GRK5: variants seen among roughly 807,000 people sequenced by gnomAD.
GRK5 encodes G protein-coupled receptor kinase 5.
A neutral mutation model predicts 78.4 loss-of-function variants in GRK5; 40 were observed. The ratio of observed to expected loss-of-function variants is 0.51; its 90% CI spans 0.40 to 0.66. GRK5 has a LOEUF of 0.66. Among genes scored for constraint, GRK5 ranks in the 30% least tolerant of loss-of-function variants. The pLI is 0.00. For synonymous variants in GRK5, 289 were observed against 296.8 expected, an observed-to-expected ratio of 0.97 and a Z score of 0.27; for missense variants, 598 against 759.9, an observed-to-expected ratio of 0.79 and a Z score of 2.50.
At position 119,378,081 on chromosome 10, in the gene GRK5, C is replaced by G. The variant is rs1589773213; in HGVS notation, c.149-2734C>G. 6.5e-6 allele frequency: 1 copy of G among 154,460 alleles called. No individual in the cohort carries two copies. Among genetic ancestry groups the G allele is most frequent in the East Asian group, 1.9e-4 (1 of 5,194 alleles). The allele number at this position is 154,460 out of a possible 1,614,324, so 9.6% of individuals were successfully genotyped here. On this transcript the variant is annotated intron_variant, in intron 2 of 15. Transcript: ENST00000392870. The surrounding 1 kb of genome is among the most constrained non-coding windows in gnomAD (Gnocchi z 4.5). ...TTCCCTACTGTGGCTGATGATCACA[C>G]TCATCTAGCTTGACATTTTATTACT...
chr10:119,297,294 A>C (rs1201987334), intron 1 of GRK5, among the ~76,000 whole-genome samples: 1 of 152,218 alleles, frequency 6.6e-6, no homozygotes, highest in African/African-American at 2.4e-5. Flanking sequence ...TGGCATTTAG[A>C]AAGTTTGGCG....
intron 5 of GRK5, among the ~76,000 whole-genome samples, chr10:119,423,507 A>G (rs750844133): frequency 2.6e-5 from 4 of 152,264 alleles, no homozygotes; most frequent in Non-Finnish European, 4.4e-5. Flanking sequence ...CTGTTGAGAC[A>G]GAGGAATGTG....
chr10:119,275,082 T>C (rs1209198147), intron 1 of GRK5, among the ~76,000 whole-genome samples: 1 of 152,228 alleles, frequency 6.6e-6, no homozygotes, highest in African/African-American at 2.4e-5. Flanking sequence ...ATTGAGAGCA[T>C]GCAGGCCCAG....
At position 119,409,347 on chromosome 10, in the gene GRK5, T is replaced by G. The variant is rs182605679; in HGVS notation, c.339+12575T>G. ...TGAGGCTGATGTGCCTTGCTGGAGC[T>G]CCTCACAGTGGGCCAGGGCAGGCCC... On this transcript the variant is annotated intron_variant, in intron 4 of 15. Transcript: ENST00000392870. Among the ~76,000 whole-genome samples, 3 of 152,298 alleles carry G rather than the reference T, an allele frequency of 2.0e-5. No individual in the cohort carries two copies. The East Asian group carries it at 5.8e-4, about 29-fold the overall frequency.
At chr10:119,319,281 T>C (rs1352777257) in intron 1 of GRK5, among the ~76,000 whole-genome samples, 2 of 151,930 alleles carry the variant, frequency 1.3e-5, no homozygotes, top group Admixed American at 6.6e-5. Context: ...CTCCCTAGAG[T>C]CTGTCCCTTC....
At chr10:119,258,910 C>G (rs576715407) in intron 1 of GRK5, among the ~76,000 whole-genome samples, 1 of 152,184 alleles carries the variant, frequency 6.6e-6, no homozygotes. Context: ...CCAGCCTGCC[C>G]CCTTCTCAGG....
intron 11 of GRK5, among the ~76,000 whole-genome samples, chr10:119,442,911 TG>T (rs1311035104): frequency 1.3e-5 from 2 of 151,996 alleles, no homozygotes; most frequent in African/African-American, 4.8e-5. Flanking sequence ...GATGGATGGT[TG>T]GATGGATGAT....
At chr10:119,437,239 G>T (rs966690864) in intron 9 of GRK5, among the ~76,000 whole-genome samples, 1 of 152,134 alleles carries the variant, frequency 6.6e-6, no homozygotes, top group East Asian at 1.9e-4. Context: ...GACTTGGGTC[G>T]GGTCACTGCC....
Position 119,442,024 on chromosome 10 carries a change from C to G in GRK5, c.993C>G (p.Gly331=). 6.2e-7 allele frequency: 1 copy of G among 1,614,014 alleles called. No homozygotes were observed. The highest frequency in any genetic ancestry group is 8.5e-7 in the Non-Finnish European group (1 of 1,179,932). ...GCCACATTAGGATCTCAGACCTGGG[C>G]TTGGCTGTGAAGATCCCCGAGGGAG... is the stretch of plus-strand genomic sequence containing the variant. ...DYGHIRISDL[G]LAVKIPEGDL... is the part of the protein sequence containing the mutation. The change falls in exon 11 of 16, where the codon GGC becomes GGG. Residue 331 remains glycine (G), a synonymous_variant. Coordinates refer to ENST00000392870, the MANE Select transcript of GRK5 (RefSeq NM_005308.3).
At chr10:119,361,008 G>C (rs931016008) in intron 2 of GRK5, among the ~76,000 whole-genome samples, 4 of 152,222 alleles carry the variant, frequency 2.6e-5, no homozygotes, top group African/African-American at 9.7e-5. Context: ...CCTCTGGGAA[G>C]GTCTCCTGGC....
At chr10:119,341,833 G>C (rs1417641937) in intron 2 of GRK5, among the ~76,000 whole-genome samples, 4 of 152,132 alleles carry the variant, frequency 2.6e-5, no homozygotes, top group African/African-American at 4.8e-5. Flanking sequence ...TTTTCTCTCT[G>C]AGTTCTTTTA....
chr10:119,284,001 G>A (rs1181876923), intron 1 of GRK5, among the ~76,000 whole-genome samples: 1 of 152,156 alleles, frequency 6.6e-6, no homozygotes, highest in Non-Finnish European at 1.5e-5. Context: ...CCCCAGCTCT[G>A]GGCAGTGTAC....
At chr10:119,335,605 C>T (rs1421370971) in intron 2 of GRK5, among the ~76,000 whole-genome samples, 2 of 152,218 alleles carry the variant, frequency 1.3e-5, no homozygotes, top group Non-Finnish European at 2.9e-5. Flanking sequence ...TCATGTGATC[C>T]ACCTGCCTTG....
At chr10:119,373,368 C>A (rs1042335005) in intron 2 of GRK5, among the ~76,000 whole-genome samples, 1 of 152,102 alleles carries the variant, frequency 6.6e-6, no homozygotes, top group Non-Finnish European at 1.5e-5. Flanking sequence ...GTGGGAGGGA[C>A]CTGTTGGGAG....
chr10:119,216,286 GATGAA>G (rs975579747), intron 1 of GRK5, among the ~76,000 whole-genome samples: 5 of 152,314 alleles, frequency 3.3e-5, no homozygotes, highest in African/African-American at 9.6e-5. Flanking sequence ...AAAAGGTAAT[GATGAA>G]ATGAACCCCA....
intron 4 of GRK5, among the ~76,000 whole-genome samples, chr10:119,416,009 G>A (rs984533767): frequency 6.6e-6 from 1 of 152,198 alleles, no homozygotes; most frequent in Non-Finnish European, 1.5e-5. Context: ...TTCCCAGGGT[G>A]ACGCGGGGCA....
intron 1 of GRK5, among the ~76,000 whole-genome samples, chr10:119,302,362 G>A (rs561908611): frequency 3.9e-5 from 6 of 152,344 alleles, no homozygotes; most frequent in African/African-American, 1.4e-4. Context: ...ACCTGGCAGA[G>A]GAGCCCAAGG....
chr10:119,212,443 G>T (rs1482999558), intron 1 of GRK5, among the ~76,000 whole-genome samples: 3 of 152,134 alleles, frequency 2.0e-5, no homozygotes, highest in South Asian at 4.1e-4. Context: ...CTCTTATAGT[G>T]GCTTGCTAAA....
rs569279198 is a variant in GRK5, at chr10:119,270,049, C to T, written c.53-56467C>T. Among the ~76,000 whole-genome samples the T allele has an allele frequency of 1.4e-4, 22 of 152,234 alleles. No homozygotes were observed. In the South Asian group the frequency reaches 3.7e-3, roughly 26 times the overall value. On this transcript the variant is annotated intron_variant, in intron 1 of 15. Transcript: ENST00000392870. ...TTGCTGTTCCCTCTGCCCAGAGTCC[C>T]GTGCTCTCCTCTCCACATTCCTTCA...
Sources: gnomAD v4.1 joint callset for allele counts (sites outside exome capture counted in the v4.1 genomes callset) on GRCh38, gnomAD v4.1.1 for gene constraint, Gnocchi (gnomAD v3.1) non-coding constraint, MANE v1.5 for transcripts, NCBI Gene and HGNC (gene_info 2026-07-23, HGNC 2026-07-21) for gene names.